DNM2: variants seen among roughly 807,000 people sequenced by gnomAD.
The protein encoded by DNM2 is dynamin 2.
DNM2 carries 15 observed loss-of-function variants against 99.0 expected under a neutral mutation model. The observed-to-expected ratio is 0.15, with a 90% CI of 0.10 to 0.23. The LOEUF is 0.23. DNM2 is among the 10% of genes least tolerant of loss of function. DNM2 has a pLI of 1.00. For missense variants in DNM2, 742 were observed against 1,189.4 expected, an observed-to-expected ratio of 0.62 and a Z score of 5.53; for synonymous variants, 525 against 481.2, an observed-to-expected ratio of 1.09 and a Z score of -1.19.
At position 10,795,585 on chromosome 19, in the gene DNM2, C is replaced by G; in HGVS notation, c.1196+146C>G. The G allele has an allele frequency of 2.3e-6, 2 of 873,032 alleles. No individual in the cohort carries two copies. The highest frequency in any genetic ancestry group is 3.7e-6 in the Non-Finnish European group (2 of 538,634). 54.1% of individuals were successfully genotyped at this position (873,032 alleles called of 1,614,324 possible). ...GTTTTCTGTAGCTGCGAGCCCCTCC[C>G]TGAGGGTCTCCAAGGGCACATGAGG... On this transcript the variant is annotated intron_variant, in intron 9 of 20. Coordinates refer to ENST00000389253, the MANE Select transcript of DNM2 (RefSeq NM_001005361.3). This position sits in a 1 kb window ranked among gnomAD's most constrained non-coding sequence, Gnocchi z 4.2.
At chr19:10,755,824 C>T (rs574521322) in intron 1 of DNM2, among the ~76,000 whole-genome samples, 153 of 152,114 alleles carry the variant, frequency 1.0e-3, no homozygotes, top group Non-Finnish European at 1.8e-3. Context: ...CCCCCACACC[C>T]GGTTAATTTT....
intron 6 of DNM2, 155 bp from the exon 7 acceptor site, chr19:10,786,409 G>A: frequency 8.2e-7 from 1 of 1,220,926 alleles, no homozygotes; most frequent in Non-Finnish European, 1.2e-6. Context: ...GTGTGTCTGT[G>A]GCTTGATTTA....
chr19:10,757,680 C>T (rs1469445256), intron 1 of DNM2, among the ~76,000 whole-genome samples: 2 of 152,132 alleles, frequency 1.3e-5, no homozygotes, highest in Admixed American at 1.3e-4. Flanking sequence ...CACGGTGGCT[C>T]ACACCTGTAA....
rs35575438 is a variant in DNM2, at chr19:10,784,819, A to ATTTTTTTTTTTTTTTTTTTTTTTT, written c.849+1721_849+1722insTTTTTTTTTTTTTTTTTTTTTTTT. Among the ~76,000 whole-genome samples, 3 of 99,464 alleles carry ATTTTTTTTTTTTTTTTTTTTTTTT rather than the reference A, an allele frequency of 3.0e-5. 1 individual carries two copies. The highest frequency in any genetic ancestry group is 3.7e-5 in the Non-Finnish European group (2 of 53,746). 65.3% of individuals were successfully genotyped at this position (99,464 alleles called of 152,430 possible). ...GTATTTATTTTTTATTTTTTTGATG[A>ATTTTTTTTTTTTTTTTTTTTTTTT]TTTTTTTTTTTTTTTTTTTTTTGAG... On this transcript the variant is annotated intron_variant, in intron 6 of 20. Coordinates refer to ENST00000389253, the MANE Select transcript of DNM2 (RefSeq NM_001005361.3).
At chr19:10,726,369 T>C (rs1238597559) in intron 1 of DNM2, among the ~76,000 whole-genome samples, 2 of 152,070 alleles carry the variant, frequency 1.3e-5, no homozygotes, top group Admixed American at 1.3e-4. Flanking sequence ...CCTTAGTTTC[T>C]TTTTCCTTAA....
At chr19:10,718,906 A>G (rs1270927324) in intron 1 of DNM2, among the ~76,000 whole-genome samples, 1 of 152,100 alleles carries the variant, frequency 6.6e-6, no homozygotes, top group East Asian at 1.9e-4. Context: ...TTGGTTGTCC[A>G]TCTGTCCAGT....
At chr19:10,757,816 G>A (rs760337172) in intron 1 of DNM2, among the ~76,000 whole-genome samples, 18 of 151,822 alleles carry the variant, frequency 1.2e-4, no homozygotes, top group Admixed American at 1.3e-4. Context: ...ATGGTAGCGC[G>A]TGCATGTAAT....
At chr19:10,789,573 C>T (rs2071681009) in intron 7 of DNM2, among the ~76,000 whole-genome samples, 1 of 152,076 alleles carries the variant, frequency 6.6e-6, no homozygotes. Flanking sequence ...TGGTTCACGC[C>T]TGTATTCCCA....
chr19:10,774,405 A>C (rs146834661), intron 3 of DNM2, among the ~76,000 whole-genome samples: 1 of 152,202 alleles, frequency 6.6e-6, no homozygotes, highest in Non-Finnish European at 1.5e-5. Flanking sequence ...CTTTTCCTTA[A>C]ATTGTTAGCA....
At chr19:10,747,159 G>A (rs1422433554) in intron 1 of DNM2, among the ~76,000 whole-genome samples, 1 of 151,902 alleles carries the variant, frequency 6.6e-6, no homozygotes, top group African/African-American at 2.4e-5. Context: ...GAACCACTGT[G>A]CTCAGCCTGA....
At chr19:10,767,733 T>C (rs963994015) in intron 2 of DNM2, among the ~76,000 whole-genome samples, 12 of 152,238 alleles carry the variant, frequency 7.9e-5, no homozygotes, top group African/African-American at 2.9e-4. Context: ...TGGTGAAACC[T>C]CATCTTTACT....
rs1026025961 is a variant in DNM2, at chr19:10,795,757, C to A, written c.1196+318C>A. On this transcript the variant is annotated intron_variant, in intron 9 of 20. Transcript: ENST00000389253. The surrounding 1 kb of genome is among the most constrained non-coding windows in gnomAD (Gnocchi z 4.2). ...CACTGCAGATTTGCCTGGGGAGGGGCGGGGCGGCACTGAATCAGGGTTTTG... is the reference window on the plus strand; with the variant it reads ...CACTGCAGATTTGCCTGGGGAGGGGAGGGGCGGCACTGAATCAGGGTTTTG... 8 of 579,460 alleles carry A rather than the reference C, an allele frequency of 1.4e-5. No individual in the cohort carries two copies. The highest frequency in any genetic ancestry group is 6.0e-5 in the Admixed American group (2 of 33,258). 35.9% of individuals were successfully genotyped at this position (579,460 alleles called of 1,614,324 possible). A position where few individuals can be genotyped will look rare whatever the true frequency, so the allele number is the denominator to read the frequency against.
intron 1 of DNM2, among the ~76,000 whole-genome samples, chr19:10,746,107 C>T (rs948525761): frequency 1.3e-5 from 2 of 152,062 alleles, no homozygotes; most frequent in Admixed American, 6.5e-5. Context: ...TACAGGCACA[C>T]GCCACCACAC....
intron 1 of DNM2, among the ~76,000 whole-genome samples, chr19:10,738,861 A>C (rs1235022285): frequency 1.7e-5 from 2 of 118,212 alleles, no homozygotes; most frequent in African/African-American, 3.3e-5. Context: ...CAAGAGCAAA[A>C]CTCCATCGCA....
rs776227722 is a variant in DNM2 at position 10,793,704 on chromosome 19, T to C, written c.993-16T>C. ...AAACCTCCGTTTTGATGCTTGCTTT[T>C]TCCTTTTCCTCATAGGATGGTCCAG... On this transcript the variant is annotated splice_polypyrimidine_tract_variant and intron_variant, in intron 7 of 20. Transcript: ENST00000389253. 12 of 1,614,068 alleles carry C rather than the reference T, an allele frequency of 7.4e-6. No homozygotes were observed. The African/African-American group carries it at 1.1e-4, about 14-fold the overall frequency.
At chr19:10,776,006 A>C in intron 4 of DNM2, 100 bp downstream of exon 4, 4 of 1,446,478 alleles carry the variant, frequency 2.8e-6, no homozygotes, top group Non-Finnish European at 3.8e-6. Context: ...TCTTTAATCC[A>C]TGGCCGCTGT....
intron 8 of DNM2, among the ~76,000 whole-genome samples, chr19:10,794,763 CAAAA>C (rs2071876541): frequency 6.6e-6 from 1 of 151,618 alleles, no homozygotes; most frequent in East Asian, 1.9e-4. Context: ...ACAAAAAAAA[CAAAA>C]AGAAAGAAAA....
intron 4 of DNM2, among the ~76,000 whole-genome samples, chr19:10,776,587 A>C (rs2071163896): frequency 6.6e-6 from 1 of 152,208 alleles, no homozygotes; most frequent in Non-Finnish European, 1.5e-5. Context: ...CCCCCGTGGG[A>C]GCAGTTGATC....
At chr19:10,805,169 C>T (rs2072288661) in intron 12 of DNM2, among the ~76,000 whole-genome samples, 2 of 152,164 alleles carry the variant, frequency 1.3e-5, no homozygotes, top group South Asian at 4.1e-4. Flanking sequence ...AATAAGGAAC[C>T]TTATAGAAAC....
Sources: gnomAD v4.1 joint callset for allele counts (sites outside exome capture counted in the v4.1 genomes callset) on GRCh38, gnomAD v4.1.1 for gene constraint, Gnocchi (gnomAD v3.1) non-coding constraint, MANE v1.5 for transcripts, NCBI Gene and HGNC (gene_info 2026-07-23, HGNC 2026-07-21) for gene names.